The following DRC8 variants were observed in gnomAD, a reference collection of about 807,000 sequenced individuals.
DRC8 encodes dynein regulatory complex protein 8.
At chr1:245,047,604 C>T in the DRC8 span, among the ~76,000 whole-genome samples, 2 of 138,982 alleles carry the variant, frequency 1.4e-5, no homozygotes, top group African/African-American at 2.7e-5. Context: ...CACGGCACTC[C>T]AGCCTGGTCG....
chr1:245,048,624 G>T, the DRC8 span, among the ~76,000 whole-genome samples: 1 of 151,824 alleles, frequency 6.6e-6, no homozygotes, highest in Non-Finnish European at 1.5e-5. Flanking sequence ...AATCCCTCAT[G>T]ATCTGCCACA....
the DRC8 span, among the ~76,000 whole-genome samples, chr1:245,053,437 A>C: frequency 6.6e-6 from 1 of 152,206 alleles, no homozygotes; most frequent in East Asian, 1.9e-4. Flanking sequence ...GAGCCTTAGC[A>C]CAGCTTCCAG....
At chr1:245,004,260 CTCTT>C in the DRC8 span, among the ~76,000 whole-genome samples, 2 of 151,870 alleles carry the variant, frequency 1.3e-5, no homozygotes, top group Non-Finnish European at 2.9e-5. Flanking sequence ...ATAGTTCTCA[CTCTT>C]AAATATTTTT....
At chr1:244,981,493 A>G in the DRC8 span, among the ~76,000 whole-genome samples, 450 of 152,286 alleles carry the variant, frequency 3.0e-3, 2 homozygotes, top group South Asian at 0.012. Context: ...AATCCTTACA[A>G]TAAATCTATG....
the DRC8 span, among the ~76,000 whole-genome samples, chr1:244,998,995 TTTC>T: frequency 6.8e-6 from 1 of 146,740 alleles, no homozygotes; most frequent in Admixed American, 7.0e-5. Context: ...GGTAGACACT[TTTC>T]TGCCAATATT....
At chr1:245,092,051 G>A in the DRC8 span, among the ~76,000 whole-genome samples, 4 of 152,152 alleles carry the variant, frequency 2.6e-5, no homozygotes, top group African/African-American at 4.8e-5. Flanking sequence ...CTCAGGACCC[G>A]ACACACAGGC....
the DRC8 span, chr1:245,059,246 A>G: frequency 1.6e-6 from 1 of 634,912 alleles, no homozygotes; most frequent in Non-Finnish European, 2.7e-6. Flanking sequence ...CTTTCCCCAG[A>G]AAACATCTTT....
At chr1:245,011,241 C>T in the DRC8 span, among the ~76,000 whole-genome samples, 1 of 152,142 alleles carries the variant, frequency 6.6e-6, no homozygotes, top group East Asian at 1.9e-4. Context: ...ACTATGTCAG[C>T]CACCCATGAG....
the DRC8 span, among the ~76,000 whole-genome samples, chr1:245,010,673 TTTTC>T: frequency 5.5e-5 from 8 of 146,504 alleles, no homozygotes; most frequent in Admixed American, 1.4e-4. Flanking sequence ...GAGTATCCCT[TTTTC>T]TTTCTTTTTT....
At chr1:245,021,653 C>T in the DRC8 span, among the ~76,000 whole-genome samples, 3 of 152,120 alleles carry the variant, frequency 2.0e-5, no homozygotes, top group Non-Finnish European at 4.4e-5. Context: ...CCAGGCTGTT[C>T]TCAAACTCCT....
At chr1:245,013,969 T>C in the DRC8 span, among the ~76,000 whole-genome samples, 1 of 141,884 alleles carries the variant, frequency 7.0e-6, no homozygotes, top group Admixed American at 7.4e-5. Context: ...GAGGTGGAGG[T>C]TGTGGTGAGT....
the DRC8 span, among the ~76,000 whole-genome samples, chr1:245,033,497 A>G: frequency 6.6e-6 from 1 of 152,196 alleles, no homozygotes; most frequent in South Asian, 2.1e-4. Context: ...ACCCCTGGCT[A>G]AGGCCCTATG....
the DRC8 span, among the ~76,000 whole-genome samples, chr1:245,057,989 C>T: frequency 1.3e-5 from 2 of 152,256 alleles, no homozygotes; most frequent in Non-Finnish European, 2.9e-5. Context: ...CTACTCTCTA[C>T]CTCCCTGAGA....
chr1:245,052,557 C>A, the DRC8 span, among the ~76,000 whole-genome samples: 1 of 152,354 alleles, frequency 6.6e-6, no homozygotes, highest in South Asian at 2.1e-4. Flanking sequence ...TGTTACACAG[C>A]AGTAGAAGAT....
At chr1:245,047,779 T>C in the DRC8 span, among the ~76,000 whole-genome samples, 5,259 of 151,988 alleles carry the variant, frequency 0.035, 323 homozygotes, top group African/African-American at 0.12. Context: ...TGAGACTAGC[T>C]TGGCCAACAT....
the DRC8 span, among the ~76,000 whole-genome samples, chr1:244,974,341 C>T: frequency 7.9e-5 from 12 of 152,192 alleles, no homozygotes; most frequent in Admixed American, 2.0e-4. Flanking sequence ...TTTTGGCAGC[C>T]AGTGAGCTTT....
At chr1:245,019,785 A>C in the DRC8 span, among the ~76,000 whole-genome samples, 1 of 152,148 alleles carries the variant, frequency 6.6e-6, no homozygotes, top group Non-Finnish European at 1.5e-5. Context: ...TCTCCTAAAA[A>C]TAAAAACTAA....
At chr1:245,033,050 G>A in the DRC8 span, among the ~76,000 whole-genome samples, 4 of 152,016 alleles carry the variant, frequency 2.6e-5, no homozygotes, top group African/African-American at 4.8e-5. Flanking sequence ...ATCCATTGGC[G>A]TGCGGACCAG....
At chr1:245,090,094 C>A in the DRC8 span, among the ~76,000 whole-genome samples, 1 of 152,090 alleles carries the variant, frequency 6.6e-6, no homozygotes, top group South Asian at 2.1e-4. Context: ...GATTGTTGTA[C>A]CAGGGTTAAG....
Sources: gnomAD v4.1 joint callset for allele counts (sites outside exome capture counted in the v4.1 genomes callset) on GRCh38, gnomAD v4.1.1 for gene constraint, MANE v1.5 for transcripts, NCBI Gene and HGNC (gene_info 2026-07-23, HGNC 2026-07-21) for gene names.